Variants in FN3K observed in about 807,000 individuals in gnomAD.
FN3K encodes the protein fructosamine-3-kinase.
FN3K carries 24 observed loss-of-function variants against 24.8 expected under a neutral mutation model. The observed-to-expected ratio is 0.97, with a 90% CI of 0.70 to 1.36. FN3K has a LOEUF of 1.36. Ranked by LOEUF, FN3K falls within the 40% of genes most tolerant of loss-of-function variation. FN3K has a pLI of 0.00. For missense variants in FN3K, 449 were observed against 416.7 expected, an observed-to-expected ratio of 1.08 and a Z score of -0.67; for synonymous variants, 192 against 175.2, an observed-to-expected ratio of 1.10 and a Z score of -0.76.
rs771241837 is a variant in FN3K at position 82,750,617 on chromosome 17, C to A, written c.792C>A (p.His264Gln). 1.1e-4 allele frequency: 171 copies of A among 1,614,004 alleles called. No homozygotes were observed. Among genetic ancestry groups the A allele is most frequent in the Admixed American group, 9.3e-4 (56 of 60,012 alleles). The change falls in exon 6 of 6, where the codon CAC becomes CAA. Residue 264 changes from histidine to glutamine, a missense_variant. Physicochemically the swap from His to Gln is conservative, Grantham distance 24. Coordinates refer to ENST00000300784, the MANE Select transcript of FN3K (RefSeq NM_022158.4). ...CCAGATCCTTCTTCACCGCCTACCA[C>A]CGGAAGATCCCCAAGGCTCCGGGCT... ...GFPRSFFTAY[H>Q]RKIPKAPGFD...
chr17:82,746,335 T>TA (rs2046968460), intron 4 of FN3K, among the ~76,000 whole-genome samples: 1 of 152,166 alleles, frequency 6.6e-6, no homozygotes, highest in South Asian at 2.1e-4. Flanking sequence ...GCTGACAAAA[T>TA]ATCTTCTTTG....
chr17:82,735,812 T>G (rs1030509204), intron 1 of FN3K, 35 bp downstream of exon 1: 1 of 1,544,042 alleles, frequency 6.5e-7, no homozygotes, highest in Non-Finnish European at 8.7e-7. Context: ...GCTCTGCGGG[T>G]CTCTGCGGGG....
At chr17:82,738,266 A>G in intron 1 of FN3K, 1 of 582,182 alleles carries the variant, frequency 1.7e-6, no homozygotes, top group Non-Finnish European at 3.0e-6. Flanking sequence ...CAGACCCCAC[A>G]CCCCTCACGG....
intron 4 of FN3K, 89 bp from the exon 5 acceptor site, chr17:82,748,766 T>C: frequency 6.3e-7 from 1 of 1,597,020 alleles, no homozygotes; most frequent in Non-Finnish European, 8.6e-7. Context: ...TTACTAGGTA[T>C]CTTTGCTGGG....
Position 82,750,586 on chromosome 17 carries a change from G to A in FN3K, c.761G>A (p.Gly254Glu). 1 of 1,614,112 alleles carries A rather than the reference G, an allele frequency of 6.2e-7. No homozygotes were observed. Among genetic ancestry groups the A allele is most frequent in the Non-Finnish European group, 8.5e-7 (1 of 1,180,018 alleles). Residue 254 changes from glycine to glutamate, a missense_variant, in exon 6 of 6, where the codon GGG becomes GAG. Gly to Glu is a moderately conservative substitution (Grantham distance 98, BLOSUM62 -2). Transcript: ENST00000300784. ...CTGGCAATCGCCTTGATGTTTGGGG[G>A]GTTCCCCAGATCCTTCTTCACCGCC... ...FELAIALMFG[G>E]FPRSFFTAYH...
chr17:82,741,851 G>A (rs2252766), intron 4 of FN3K, among the ~76,000 whole-genome samples: 151,430 of 152,388 alleles, frequency 0.99, 75,245 homozygotes, highest in East Asian at 1. Context: ...TAGTACATTC[G>A]TGATGGTGTG....
chr17:82,737,190 C>T (rs546859880), intron 1 of FN3K, among the ~76,000 whole-genome samples: 32 of 152,268 alleles, frequency 2.1e-4, no homozygotes, highest in African/African-American at 6.5e-4. Flanking sequence ...AAGGAAAGGG[C>T]GTTCTGTTCG....
chr17:82,750,601 T>C lies in FN3K; in HGVS notation c.776T>C (p.Phe259Ser), dbSNP rs763509146. The C allele has an allele frequency of 6.2e-7, 1 of 1,614,048 alleles. No homozygotes were observed. Among genetic ancestry groups the C allele is most frequent in the South Asian group, 1.1e-5 (1 of 91,066 alleles). The change falls in exon 6 of 6, where the codon TTC (phenylalanine) becomes TCC (serine). Residue 259 changes from phenylalanine (F) to serine (S), a missense_variant. Coordinates refer to ENST00000300784, the MANE Select transcript of FN3K (RefSeq NM_022158.4). ...ATGTTTGGGGGGTTCCCCAGATCCTTCTTCACCGCCTACCACCGGAAGATC... is the reference window on the plus strand; with the variant it reads ...ATGTTTGGGGGGTTCCCCAGATCCTCCTTCACCGCCTACCACCGGAAGATC... ...ALMFGGFPRS[F>S]FTAYHRKIPK...
chr17:82,745,285 A>C, intron 4 of FN3K: 1 of 193,476 alleles, frequency 5.2e-6, no homozygotes, highest in Non-Finnish European at 1.0e-5. Context: ...CATTTGTTTA[A>C]CAAAGCACAT....
At chr17:82,749,221 AGACTTTCCTCAT>A (rs2046986759) in intron 5 of FN3K, 1 of 584,558 alleles carries the variant, frequency 1.7e-6, no homozygotes, top group African/African-American at 1.9e-5. Flanking sequence ...ATTTAGCCTC[AGACTTTCCTCAT>A]GTGAAACACA....
intron 5 of FN3K, among the ~76,000 whole-genome samples, chr17:82,750,203 G>A (rs543362964): frequency 2.6e-5 from 4 of 152,216 alleles, no homozygotes; most frequent in Non-Finnish European, 5.9e-5. Flanking sequence ...TCTCCACTGT[G>A]TGGGGATTCT....
chr17:82,737,482 C>T (rs1172559984), intron 1 of FN3K, among the ~76,000 whole-genome samples: 1 of 152,122 alleles, frequency 6.6e-6, no homozygotes, highest in Non-Finnish European at 1.5e-5. Context: ...GCCACCTTGC[C>T]TGGCTAATTT....
At chr17:82,748,742 C>T (rs2046982853) in intron 4 of FN3K, 113 bp from the exon 5 acceptor site, 2 of 1,515,976 alleles carry the variant, frequency 1.3e-6, no homozygotes, top group African/African-American at 1.4e-5. Context: ...TTCTGTCTTA[C>T]CTCCTTTGTT....
intron 4 of FN3K, among the ~76,000 whole-genome samples, chr17:82,747,577 T>G (rs2046975759): frequency 6.6e-6 from 1 of 152,274 alleles, no homozygotes; most frequent in Admixed American, 6.5e-5. Context: ...CTTTTTGTAT[T>G]TTTAGTAGAA....
At chr17:82,748,330 A>G (rs2046980131) in intron 4 of FN3K, among the ~76,000 whole-genome samples, 1 of 151,968 alleles carries the variant, frequency 6.6e-6, no homozygotes, top group South Asian at 2.1e-4. Context: ...TATTTTTAGT[A>G]GAGATGGAGT....
At chr17:82,736,752 G>A (rs2046904019) in intron 1 of FN3K, among the ~76,000 whole-genome samples, 1 of 152,206 alleles carries the variant, frequency 6.6e-6, no homozygotes, top group Non-Finnish European at 1.5e-5. Context: ...ATGCAGCCTG[G>A]GCGTGCGATC....
Position 82,749,061 on chromosome 17 carries a change from A to C in FN3K, c.591+84A>C, listed in dbSNP as rs538728291. 1.7e-4 allele frequency: 277 copies of C among 1,583,864 alleles called. 3 individuals are homozygous for C. Among genetic ancestry groups the C allele is most frequent in the South Asian group, 1.7e-3 (154 of 88,524 alleles). On this transcript the variant is annotated intron_variant, in intron 5 of 5. Transcript: ENST00000300784. ...TTGTGCGGGTTCATCTGTAAAACGG[A>C]GCTGGAGCAGGGAACACTGAGTCCT...
chr17:82,741,403 T>C lies in FN3K; in HGVS notation c.468+10T>C, dbSNP rs745800395. The C allele has an allele frequency of 1.9e-6, 3 of 1,611,252 alleles. No individual in the cohort carries two copies. The South Asian group carries it at 3.3e-5, about 18-fold the overall frequency. ...CGGCTTCATCCCGCAGGTGAGTGCCTGGGTGAGGGTGTTCCCTGATGCCCT... is the reference window on the plus strand; with the variant it reads ...CGGCTTCATCCCGCAGGTGAGTGCCCGGGTGAGGGTGTTCCCTGATGCCCT... On this transcript the variant is annotated intron_variant, in intron 4 of 5. Transcript: ENST00000300784.
chr17:82,740,420 C>CAAAA (rs71369031), intron 2 of FN3K, among the ~76,000 whole-genome samples: 107 of 73,064 alleles, frequency 1.5e-3, no homozygotes, highest in East Asian at 2.7e-3. Context: ...CCCATCTCTA[C>CAAAA]AAAAAAAAAA....
Sources: allele counts gnomAD v4.1 joint callset (sites outside exome capture counted in the v4.1 genomes callset), GRCh38; gene constraint gnomAD v4.1.1; transcripts MANE v1.5; gene names NCBI Gene and HGNC (gene_info 2026-07-23, HGNC 2026-07-21).